Variants in ATP10A observed in about 807,000 individuals in gnomAD.
ATP10A encodes phospholipid-transporting ATPase VA.
Under a neutral mutation model 147.8 loss-of-function variants are expected in ATP10A, and 111 were observed. The observed-to-expected ratio is 0.75, with a 90% CI of 0.64 to 0.88. The LOEUF (loss-of-function observed/expected upper bound fraction) is 0.88, where lower values mean the gene tolerates loss of function less well. Among genes scored for constraint, ATP10A ranks in the 40% least tolerant of loss-of-function variants. ATP10A has a pLI of 0.00. For synonymous variants in ATP10A, 875 were observed against 841.6 expected (o/e 1.04, Z -0.69); for missense variants, 1,927 against 1,959.0 (o/e 0.98, Z 0.31).
At chr15:25,736,840 G>T (rs1887315943) in intron 2 of ATP10A, among the ~76,000 whole-genome samples, 1 of 152,126 alleles carries the variant, frequency 6.6e-6, no homozygotes, top group Admixed American at 6.6e-5. Flanking sequence ...TCAGCTCTCT[G>T]GTCAGGCCTG....
At position 25,789,565 on chromosome 15, in the gene ATP10A, A is replaced by AGTGTGT. The variant is rs59744412; in HGVS notation, c.450-8348_450-8343dup. ...TTTTCATATGGTGGACCAATAAAGA[A>AGTGTGT]GTGTGTGTGTGTGTGTGTGTGTGTG... On this transcript the variant is annotated intron_variant, in intron 1 of 20. Transcript: ENST00000555815. 8.0e-3 allele frequency among the ~76,000 whole-genome samples: 1,128 copies of AGTGTGT among 141,418 alleles called. 20 individuals are homozygous for AGTGTGT. Among genetic ancestry groups the AGTGTGT allele is most frequent in the East Asian group, 0.069 (346 of 4,996 alleles). The allele number at this position is 141,418 out of a possible 152,430, so 92.8% of individuals were successfully genotyped here. A position where few individuals can be genotyped will look rare whatever the true frequency, so the allele number is the denominator to read the frequency against.
rs1313132523 is a variant in ATP10A, at chr15:25,679,179, G to T, written c.*162C>A. ...TTTTCTTTTCAATATACTCTACTTAGAATTTTAAAAAATAAACTTTCTTTT... is the reference window on the plus strand; with the variant it reads ...TTTTCTTTTCAATATACTCTACTTATAATTTTAAAAAATAAACTTTCTTTT... On this transcript the variant is annotated 3_prime_UTR_variant, in exon 21 of 21. Transcript: ENST00000555815. The T allele has an allele frequency of 2.0e-5, 10 of 496,626 alleles. No homozygotes were observed. The highest frequency in any genetic ancestry group is 1.8e-4 in the East Asian group (4 of 22,474). 30.8% of individuals were successfully genotyped at this position (496,626 alleles called of 1,614,324 possible). A position where few individuals can be genotyped will look rare whatever the true frequency, so the allele number is the denominator to read the frequency against.
chr15:25,827,541 T>C (rs1043657718), intron 1 of ATP10A, among the ~76,000 whole-genome samples: 1 of 152,124 alleles, frequency 6.6e-6, no homozygotes, highest in African/African-American at 2.4e-5. Flanking sequence ...ATGAACAAAG[T>C]TTTCATGGCA....
chr15:25,683,568 T>G, intron 16 of ATP10A, 82 bp from the exon 17 acceptor site: 1 of 1,331,252 alleles, frequency 7.5e-7, no homozygotes. Context: ...CTGACAGGCC[T>G]GCAGAGTTTC....
chr15:25,837,637 C>G (rs1342186250), intron 1 of ATP10A, among the ~76,000 whole-genome samples: 1 of 152,198 alleles, frequency 6.6e-6, no homozygotes, highest in Admixed American at 6.5e-5. Context: ...TGTCTTTCAG[C>G]CCTCAGAGGA....
Position 25,721,732 on chromosome 15 carries a change from C to T in ATP10A, c.1288G>A (p.Gly430Ser). Residue 430 changes from glycine (G) to serine (S), a missense_variant, in exon 7 of 21, where the codon GGC (glycine) becomes AGC (serine). Coordinates refer to ENST00000555815, the MANE Select transcript of ATP10A (RefSeq NM_024490.4). ...QIQYIFSDKT[G>S]TLTENKMVFR... ...ACCATCTTATTCTCTGTCAAAGTGC[C>T]AGTTTTATCTGAGAAAATGTACTGT... is the stretch of plus-strand genomic sequence containing the variant. The T allele has an allele frequency of 6.2e-7, 1 of 1,614,112 alleles. No individual in the cohort carries two copies.
chr15:25,731,158 G>A (rs950841522), intron 3 of ATP10A, among the ~76,000 whole-genome samples: 1 of 152,212 alleles, frequency 6.6e-6, no homozygotes, highest in Non-Finnish European at 1.5e-5. Flanking sequence ...GCTGGTGCTC[G>A]TGCCGGCCCT....
intron 1 of ATP10A, among the ~76,000 whole-genome samples, chr15:25,838,457 C>G (rs1239589262): frequency 6.6e-6 from 1 of 152,134 alleles, no homozygotes; most frequent in East Asian, 1.9e-4. Context: ...CCCAGCAAAG[C>G]CACCCTTGGC....
At chr15:25,821,187 C>T (rs1891863267) in intron 1 of ATP10A, among the ~76,000 whole-genome samples, 2 of 152,106 alleles carry the variant, frequency 1.3e-5, no homozygotes, top group South Asian at 2.1e-4. Context: ...ATCCTTTGAG[C>T]CCAGGAGTTC....
chr15:25,701,941 A>C lies in ATP10A; in HGVS notation c.2735T>G (p.Val912Gly). Residue 912 changes from valine (V) to glycine (G), a missense_variant, in exon 13 of 21, where the codon GTC becomes GGC. Coordinates refer to ENST00000555815, the MANE Select transcript of ATP10A (RefSeq NM_024490.4). ...CTGGGAGGTGGCATTCAGGGTGATG[A>C]CCTCCTCGTCGTGGTCCAGCAGTTT... Reference protein sequence around the residue: ...ACKLLDHDEEVITLNATSQEA... With the variant: ...ACKLLDHDEEGITLNATSQEA... 3 of 1,610,356 alleles carry C rather than the reference A, an allele frequency of 1.9e-6. No individual in the cohort carries two copies. The highest frequency in any genetic ancestry group is 2.5e-6 in the Non-Finnish European group (3 of 1,178,178).
In ATP10A at chr15:25,744,006, G is replaced by A. The variant is rs962226418; in HGVS notation, c.655-7865C>T. On this transcript the variant is annotated intron_variant, in intron 2 of 20. Transcript: ENST00000555815. ...GGTGAGTAAGATGTGGGCATCTTTC[G>A]GGGGACCACTATTCTGTCTACTATA... Among the ~76,000 whole-genome samples the A allele has an allele frequency of 2.6e-5, 4 of 152,074 alleles. No individual in the cohort carries two copies. The East Asian group carries it at 5.8e-4, about 22-fold the overall frequency.
At chr15:25,823,262 G>A (rs11631431) in intron 1 of ATP10A, among the ~76,000 whole-genome samples, 96,365 of 152,010 alleles carry the variant, frequency 0.63, 33,727 homozygotes, top group East Asian at 0.85. Context: ...TTACACATTA[G>A]CAACAGTATC....
intron 1 of ATP10A, among the ~76,000 whole-genome samples, chr15:25,800,993 C>T (rs2140780761): frequency 6.6e-6 from 1 of 152,266 alleles, no homozygotes; most frequent in African/African-American, 2.4e-5. Context: ...TTTGGTAAGT[C>T]TGCTCCAGAT....
Position 25,683,077 on chromosome 15 carries a change from AG to A in ATP10A, c.3492+208del, listed in dbSNP as rs370435805. Among the ~76,000 whole-genome samples the A allele has an allele frequency of 3.8e-3, 579 of 151,968 alleles. 2 individuals are homozygous for A. Among genetic ancestry groups the A allele is most frequent in the African/African-American group, 0.013 (545 of 41,422 alleles). ...TTCTTGGGCTCCTGGAGACTCTTGG[AG>A]GGGGGACAGTTTCGCTTACAACACT... is the stretch of plus-strand genomic sequence containing the variant. On this transcript the variant is annotated intron_variant, in intron 17 of 20. Transcript: ENST00000555815.
intron 2 of ATP10A, among the ~76,000 whole-genome samples, chr15:25,755,046 T>C (rs1443466825): frequency 6.6e-6 from 1 of 152,194 alleles, no homozygotes; most frequent in Non-Finnish European, 1.5e-5. Flanking sequence ...CATGATCTAC[T>C]CCAGAATATT....
intron 1 of ATP10A, among the ~76,000 whole-genome samples, chr15:25,818,644 C>A (rs1226445614): frequency 1.3e-5 from 2 of 152,036 alleles, no homozygotes; most frequent in Non-Finnish European, 1.5e-5. Context: ...GCCTGAATAG[C>A]CAAAACAGTC....
At chr15:25,831,825 T>C (rs754840319) in intron 1 of ATP10A, among the ~76,000 whole-genome samples, 26 of 152,094 alleles carry the variant, frequency 1.7e-4, no homozygotes, top group Non-Finnish European at 3.5e-4. Flanking sequence ...ATGCTTAAAA[T>C]AAACAAGCAA....
chr15:25,718,176 A>G lies in ATP10A; in HGVS notation c.1581+6T>C, dbSNP rs767927116. On this transcript the variant is annotated splice_donor_region_variant and intron_variant, in intron 8 of 20. Transcript: ENST00000555815. ...AGCACCCTAGCAGGAGGCCCTGTAC[A>G]CTCACCATGGGGCTGCTGAAGGCCG... 2.5e-6 allele frequency: 4 copies of G among 1,611,812 alleles called. No individual in the cohort carries two copies. The highest frequency in any genetic ancestry group is 3.3e-5 in the Admixed American group (2 of 59,960).
At chr15:25,779,673 A>G (rs1476442512) in intron 2 of ATP10A, among the ~76,000 whole-genome samples, 1 of 152,174 alleles carries the variant, frequency 6.6e-6, no homozygotes, top group Non-Finnish European at 1.5e-5. Flanking sequence ...GGGCGCCGCC[A>G]GGCTGTGCCT....
Sources: allele counts gnomAD v4.1 joint callset (sites outside exome capture counted in the v4.1 genomes callset), GRCh38; gene constraint gnomAD v4.1.1; transcripts MANE v1.5; gene names NCBI Gene and HGNC (gene_info 2026-07-23, HGNC 2026-07-21).